Variants in KAZN observed in about 807,000 individuals in gnomAD.
KAZN encodes the protein kazrin.
In KAZN, 40 loss-of-function variants were observed where a neutral mutation model predicts 87.4. The ratio of observed to expected loss-of-function variants is 0.46; its 90% CI spans 0.36 to 0.60. The LOEUF (loss-of-function observed/expected upper bound fraction) is 0.60, where lower values mean the gene tolerates loss of function less well. Among genes scored for constraint, KAZN ranks in the 20% least tolerant of loss-of-function variants. The pLI is 0.00. For synonymous variants in KAZN, 466 were observed against 458.3 expected, an observed-to-expected ratio of 1.02 and a Z score of -0.22; for missense variants, 898 against 1,073.9, an observed-to-expected ratio of 0.84 and a Z score of 2.29.
At chr1:14,015,870 A>AG (rs1640548205) in intron 1 of KAZN, among the ~76,000 whole-genome samples, 1 of 151,938 alleles carries the variant, frequency 6.6e-6, no homozygotes. Context: ...ACAGCTGCTA[A>AG]GAGGTGCAAT....
intron 2 of KAZN, among the ~76,000 whole-genome samples, chr1:14,422,831 C>T (rs1265099023): frequency 6.6e-6 from 1 of 152,110 alleles, no homozygotes; most frequent in African/African-American, 2.4e-5. Flanking sequence ...GATTCTAATC[C>T]CCAAGGCTTT....
At chr1:14,934,012 C>T (rs938288793) in intron 1 of KAZN, among the ~76,000 whole-genome samples, 5 of 151,740 alleles carry the variant, frequency 3.3e-5, no homozygotes, top group South Asian at 2.1e-4. Context: ...CCCGCCACTA[C>T]GCCTGGCTAT....
chr1:14,363,885 C>T (rs1659730132), intron 2 of KAZN, among the ~76,000 whole-genome samples: 1 of 151,906 alleles, frequency 6.6e-6, no homozygotes, highest in South Asian at 2.1e-4. Flanking sequence ...GATTAAACAC[C>T]ATAAACGGTT....
chr1:14,413,958 A>C (rs1557701938), intron 2 of KAZN, among the ~76,000 whole-genome samples: 1 of 152,210 alleles, frequency 6.6e-6, no homozygotes, highest in Non-Finnish European at 1.5e-5. Context: ...CCTCATTAGT[A>C]ATCAGGGAAG....
chr1:14,084,063 A>G (rs151081280), intron 1 of KAZN, among the ~76,000 whole-genome samples: 1 of 152,246 alleles, frequency 6.6e-6, no homozygotes, highest in Non-Finnish European at 1.5e-5. Context: ...GATAGAAGGC[A>G]CTAATGGAAA....
At chr1:14,712,942 A>G (rs1642564551) in intron 1 of KAZN, among the ~76,000 whole-genome samples, 1 of 152,158 alleles carries the variant, frequency 6.6e-6, no homozygotes, top group Non-Finnish European at 1.5e-5. Flanking sequence ...AAGATGACAC[A>G]TTCCCTATAG....
At position 14,460,301 on chromosome 1, in the gene KAZN, A is replaced by G. The variant is rs539980375; in HGVS notation, c.250-138682A>G. On this transcript the variant is annotated intron_variant, in intron 2 of 16. Coordinates refer to the KAZN transcript ENST00000636203. ...GGGCATCCCCACCAAGCTGCCCCCA[A>G]GGCACTGGGCATTGTCTGAGGCTTC... 1.5e-3 allele frequency among the ~76,000 whole-genome samples: 222 copies of G among 152,330 alleles called. 3 individuals are homozygous for G. The highest frequency in any genetic ancestry group is 5.3e-3 in the African/African-American group (221 of 41,578).
chr1:14,564,736 C>A (rs1674452033), intron 2 of KAZN, among the ~76,000 whole-genome samples: 1 of 152,028 alleles, frequency 6.6e-6, no homozygotes, highest in African/African-American at 2.4e-5. Flanking sequence ...TTGCTTGAAC[C>A]TGGGCAGCAG....
chr1:14,338,943 C>A (rs1271360942), intron 2 of KAZN, among the ~76,000 whole-genome samples: 1 of 152,160 alleles, frequency 6.6e-6, no homozygotes. Flanking sequence ...GGGACACCCA[C>A]CTAATTGGGC....
intron 1 of KAZN, among the ~76,000 whole-genome samples, chr1:14,743,809 A>G (rs955254934): frequency 6.6e-6 from 1 of 152,156 alleles, no homozygotes; most frequent in Non-Finnish European, 1.5e-5. Flanking sequence ...AGCTCCAACA[A>G]GAGTCCTGGA....
At chr1:14,577,952 T>G (rs1387778831) in intron 2 of KAZN, among the ~76,000 whole-genome samples, 1 of 152,126 alleles carries the variant, frequency 6.6e-6, no homozygotes, top group East Asian at 1.9e-4. Context: ...GTCCAAACCC[T>G]GTGTTCAAAC....
intron 2 of KAZN, among the ~76,000 whole-genome samples, chr1:14,516,011 C>A (rs1233244219): frequency 6.6e-6 from 1 of 152,134 alleles, no homozygotes; most frequent in Non-Finnish European, 1.5e-5. Context: ...GGAGATTTTT[C>A]TTTTAACAGA....
intron 1 of KAZN, among the ~76,000 whole-genome samples, chr1:14,081,115 T>TG (rs960174873): frequency 3.2e-4 from 49 of 152,228 alleles, no homozygotes; most frequent in Non-Finnish European, 5.9e-4. Flanking sequence ...GGTTTTTTTT[T>TG]TTTTAAGGAA....
At chr1:14,930,669 G>T (rs915922956) in intron 1 of KAZN, among the ~76,000 whole-genome samples, 20 of 152,254 alleles carry the variant, frequency 1.3e-4, no homozygotes, top group African/African-American at 4.8e-4. Context: ...GCTGTGGAAA[G>T]TAGCTGTTCC....
At chr1:14,173,838 G>C (rs1441491273) in intron 1 of KAZN, among the ~76,000 whole-genome samples, 1 of 152,172 alleles carries the variant, frequency 6.6e-6, no homozygotes, top group Admixed American at 6.5e-5. Context: ...GCCCACCTCA[G>C]GGACTTGGGA....
At chr1:14,034,273 G>A (rs1310362417) in intron 1 of KAZN, among the ~76,000 whole-genome samples, 1 of 151,878 alleles carries the variant, frequency 6.6e-6, no homozygotes, top group African/African-American at 2.4e-5. Flanking sequence ...ACAAGCTGGT[G>A]TTTCCTTTTA....
chr1:15,057,593 G>A (rs908999986), intron 5 of KAZN, among the ~76,000 whole-genome samples: 1 of 152,212 alleles, frequency 6.6e-6, no homozygotes, highest in African/African-American at 2.4e-5. Context: ...CCAAGGTGGT[G>A]TGACTTTTTT....
chr1:14,370,751 C>T (rs550350351), intron 2 of KAZN, among the ~76,000 whole-genome samples: 1 of 152,342 alleles, frequency 6.6e-6, no homozygotes, highest in African/African-American at 2.4e-5. Flanking sequence ...GAGTTGAGAT[C>T]ATGGCTCACT....
chr1:14,593,585 C>T (rs1676326336), intron 2 of KAZN, among the ~76,000 whole-genome samples: 1 of 152,216 alleles, frequency 6.6e-6, no homozygotes. Context: ...TAAAGACCTT[C>T]ACCCCAGGGA....
Sources: allele counts gnomAD v4.1 joint callset (sites outside exome capture counted in the v4.1 genomes callset), GRCh38; gene constraint gnomAD v4.1.1; transcripts MANE v1.5; gene names NCBI Gene and HGNC (gene_info 2026-07-23, HGNC 2026-07-21).